The following ADCYAP1 variants were observed in gnomAD, a reference collection of about 807,000 sequenced individuals.
ADCYAP1 encodes adenylate cyclase activating polypeptide 1.
A neutral mutation model predicts 18.5 loss-of-function variants in ADCYAP1; 6 were observed. That is an observed-to-expected ratio of 0.32 (90% CI 0.18 to 0.64). The LOEUF is 0.64. Among genes scored for constraint, ADCYAP1 ranks in the 30% least tolerant of loss-of-function variants. The pLI, the probability that ADCYAP1 is intolerant of heterozygous loss-of-function variation, is 0.77. For missense variants in ADCYAP1, 314 were observed against 253.6 expected, an observed-to-expected ratio of 1.24 and a Z score of -1.62; for synonymous variants, 136 against 113.9, an observed-to-expected ratio of 1.19 and a Z score of -1.24.
Position 905,563 on chromosome 18 carries a change from C to A in ADCYAP1, c.110+67C>A, listed in dbSNP as rs1909136520. The A allele has an allele frequency of 7.0e-6, 11 of 1,560,448 alleles. No homozygotes were observed. In the South Asian group the frequency reaches 1.1e-4, roughly 16 times the overall value. On this transcript the variant is annotated intron_variant, in intron 2 of 4. Transcript: ENST00000450565. ...CCAGGCACAGACGCTTCCTCACGGTCTCCTTCCTGCAGTCCTTTGGGTCCA... is the reference window on the plus strand; with the variant it reads ...CCAGGCACAGACGCTTCCTCACGGTATCCTTCCTGCAGTCCTTTGGGTCCA...
chr18:905,200 A>ATTT (rs566002626), intron 1 of ADCYAP1, 140 bp downstream of exon 1: 1 of 1,400,326 alleles, frequency 7.1e-7, no homozygotes, highest in Non-Finnish European at 9.3e-7. Flanking sequence ...ATATATATAT[A>ATTT]TTTTTTTCTA....
chr18:908,160 A>G, intron 3 of ADCYAP1, 105 bp from the exon 4 acceptor site: 1 of 1,004,246 alleles, frequency 1.0e-6, no homozygotes, highest in Non-Finnish European at 1.5e-6. Flanking sequence ...TTTCCCTGTC[A>G]GCCTCCCCGG....
rs752480565 is a variant in ADCYAP1, at chr18:908,380, G to A, written c.341+17G>A. On this transcript the variant is annotated intron_variant, in intron 4 of 4. Coordinates refer to ENST00000450565, the MANE Select transcript of ADCYAP1 (RefSeq NM_001099733.2). ...GGGCGTGGGGTAAGAGTTTGTGGAA[G>A]GATTAACCTGCGCGCGCCGGGGTGG... 1.9e-6 allele frequency: 3 copies of A among 1,603,202 alleles called. No homozygotes were observed. The highest frequency in any genetic ancestry group is 4.5e-5 in the East Asian group (2 of 44,510).
At position 911,462 on chromosome 18, in the gene ADCYAP1, T is replaced by G. The variant is rs557605185; in HGVS notation, c.*1827T>G. The G allele has an allele frequency of 7.2e-5, 11 of 152,052 alleles. No individual in the cohort carries two copies. The highest frequency in any genetic ancestry group is 1.3e-4 in the Non-Finnish European group (9 of 68,014). The allele number at this position is 152,052 out of a possible 1,614,324, so 9.4% of individuals were successfully genotyped here. ...AAGATTAAACGTTAGCTTGTAAAGTTTAAAGGACCTTTCCTTTTCCTTTAC... is the reference window on the plus strand; with the variant it reads ...AAGATTAAACGTTAGCTTGTAAAGTGTAAAGGACCTTTCCTTTTCCTTTAC... On this transcript the variant is annotated 3_prime_UTR_variant, in exon 5 of 5. Coordinates refer to ENST00000450565, the MANE Select transcript of ADCYAP1 (RefSeq NM_001099733.2).
intron 2 of ADCYAP1, among the ~76,000 whole-genome samples, chr18:907,254 G>A (rs1227335970): frequency 6.6e-6 from 1 of 152,216 alleles, no homozygotes; most frequent in Admixed American, 6.5e-5. Flanking sequence ...GGGTCTTCGC[G>A]TGGGTCAGCG....
At chr18:906,809 G>C (rs1909186007) in intron 2 of ADCYAP1, 1 of 152,314 alleles carries the variant, frequency 6.6e-6, no homozygotes, top group Non-Finnish European at 1.5e-5. Flanking sequence ...GGAGGCTGTA[G>C]AGGGCGACTG....
At chr18:906,751 C>G (rs1362350026) in intron 2 of ADCYAP1, 1 of 152,252 alleles carries the variant, frequency 6.6e-6, no homozygotes, top group Non-Finnish European at 1.5e-5. Context: ...GGGTCCAAAG[C>G]GAGAGGGATT....
chr18:904,956 A>T lies in ADCYAP1; in HGVS notation c.-106A>T. 1 of 1,291,026 alleles carries T rather than the reference A, an allele frequency of 7.7e-7. No individual in the cohort carries two copies. The highest frequency in any genetic ancestry group is 1.0e-6 in the Non-Finnish European group (1 of 990,070). The allele number at this position is 1,291,026 out of a possible 1,614,324, so 80.0% of individuals were successfully genotyped here. A position where few individuals can be genotyped will look rare whatever the true frequency, so the allele number is the denominator to read the frequency against. On this transcript the variant is annotated 5_prime_UTR_variant, in exon 1 of 5. Coordinates refer to ENST00000450565, the MANE Select transcript of ADCYAP1 (RefSeq NM_001099733.2). ...CGGCTTCTGCTCAGACACCAACGCC[A>T]GACGGCGATGCCTCTCGGGTGGTGA...
intron 2 of ADCYAP1, chr18:907,458 C>T: frequency 3.9e-6 from 2 of 513,222 alleles, no homozygotes; most frequent in South Asian, 3.4e-5. Context: ...GTGGGCGGGC[C>T]GCCCGGCGGG....
chr18:909,819 C>T lies in ADCYAP1; in HGVS notation c.*184C>T. On this transcript the variant is annotated 3_prime_UTR_variant, in exon 5 of 5. Coordinates refer to ENST00000450565, the MANE Select transcript of ADCYAP1 (RefSeq NM_001099733.2). ...TCTTTCTACAAAGCACTAGAGAATG[C>T]ACAGATATACTTTGTGGACCAATTA... The T allele has an allele frequency of 3.3e-6, 1 of 300,336 alleles. No individual in the cohort carries two copies. The highest frequency in any genetic ancestry group is 6.1e-6 in the Non-Finnish European group (1 of 164,222). 18.6% of individuals were successfully genotyped at this position (300,336 alleles called of 1,614,324 possible).
rs1213943723 is a variant in ADCYAP1, at chr18:911,387, T to A, written c.*1752T>A. The A allele has an allele frequency of 3.3e-5, 5 of 150,434 alleles. No individual in the cohort carries two copies. The highest frequency in any genetic ancestry group is 2.6e-4 in the Admixed American group (4 of 15,150). The allele number at this position is 150,434 out of a possible 1,614,324, so 9.3% of individuals were successfully genotyped here. A position where few individuals can be genotyped will look rare whatever the true frequency, so the allele number is the denominator to read the frequency against. On this transcript the variant is annotated 3_prime_UTR_variant, in exon 5 of 5. Coordinates refer to ENST00000450565, the MANE Select transcript of ADCYAP1 (RefSeq NM_001099733.2). ...GCACAAGTTTATTTATTTATTTTTTTATGTTTTGAAAAAAGAAGATGAAGA... is the reference window on the plus strand; with the variant it reads ...GCACAAGTTTATTTATTTATTTTTTAATGTTTTGAAAAAAGAAGATGAAGA...
chr18:906,890 A>G (rs1436040144), intron 2 of ADCYAP1, among the ~76,000 whole-genome samples: 1 of 152,232 alleles, frequency 6.6e-6, no homozygotes, highest in African/African-American at 2.4e-5. Context: ...GGGCACCGCC[A>G]TCGATAACAG....
chr18:905,136 G>C, intron 1 of ADCYAP1, 76 bp downstream of exon 1: 1 of 1,383,066 alleles, frequency 7.2e-7, no homozygotes. Flanking sequence ...CGCGTCAGGG[G>C]AGTTAGCTTT....
At chr18:909,136 G>A (rs113902236) in intron 4 of ADCYAP1, among the ~76,000 whole-genome samples, 1 of 149,612 alleles carries the variant, frequency 6.7e-6, no homozygotes, top group Non-Finnish European at 1.5e-5. Context: ...ACGAAGGGTC[G>A]GATCTCAAGG....
At chr18:908,074 G>A (rs1208237915) in intron 3 of ADCYAP1, 191 bp from the exon 4 acceptor site, 1 of 670,106 alleles carries the variant, frequency 1.5e-6, no homozygotes, top group Non-Finnish European at 2.4e-6. Flanking sequence ...TCCTAGAGCC[G>A]GGACTAGCTC....
rs755782905 is a variant in ADCYAP1 at position 909,669 on chromosome 18, C to T, written c.*34C>T. ...TACCAGCTACCCTGTGTATACAGCC[C>T]TGACGCAATGAAAAGTCGTTTTCCA... On this transcript the variant is annotated 3_prime_UTR_variant, in exon 5 of 5. Coordinates refer to ENST00000450565, the MANE Select transcript of ADCYAP1 (RefSeq NM_001099733.2). The T allele has an allele frequency of 6.4e-7, 1 of 1,571,094 alleles. No individual in the cohort carries two copies. Among genetic ancestry groups the T allele is most frequent in the Non-Finnish European group, 8.7e-7 (1 of 1,151,544 alleles).
chr18:909,495 C>A lies in ADCYAP1; in HGVS notation c.391C>A (p.Arg131Ser). Residue 131 changes from arginine to serine, a missense_variant, in exon 5 of 5, where the codon CGC (arginine) becomes AGC (serine). Arg to Ser is a moderately radical substitution (Grantham distance 110). Coordinates refer to ENST00000450565, the MANE Select transcript of ADCYAP1 (RefSeq NM_001099733.2). ...GGACGACGCGGAGCCGCTCTCCAAG[C>A]GCCACTCGGACGGGATCTTCACGGA... ...AGDDAEPLSK[R>S]HSDGIFTDSY... 1 of 1,613,556 alleles carries A rather than the reference C, an allele frequency of 6.2e-7. No individual in the cohort carries two copies. The highest frequency in any genetic ancestry group is 8.5e-7 in the Non-Finnish European group (1 of 1,179,936).
chr18:904,509 A>C, upstream of ADCYAP1: 2 of 1,289,194 alleles, frequency 1.6e-6, no homozygotes, highest in South Asian at 1.2e-5. Context: ...ACAGATAAAT[A>C]GGAGCAGAAG....
intron 2 of ADCYAP1, 138 bp downstream of exon 2, chr18:905,634 C>A: frequency 1.9e-6 from 2 of 1,035,392 alleles, no homozygotes; most frequent in Non-Finnish European, 2.7e-6. Flanking sequence ...CTCCGCCAGC[C>A]TCGGCTGGAC....
Sources: allele counts gnomAD v4.1 joint callset (sites outside exome capture counted in the v4.1 genomes callset), GRCh38; gene constraint gnomAD v4.1.1; transcripts MANE v1.5; gene names NCBI Gene and HGNC (gene_info 2026-07-23, HGNC 2026-07-21).